IL1R1: variants seen among roughly 807,000 people sequenced by gnomAD.
IL1R1 encodes the protein interleukin-1 receptor type 1.
IL1R1 carries 22 observed loss-of-function variants against 50.2 expected under a neutral mutation model. The ratio of observed to expected loss-of-function variants is 0.44; its 90% CI spans 0.31 to 0.63. The LOEUF (loss-of-function observed/expected upper bound fraction) is 0.63, where lower values mean the gene tolerates loss of function less well. Among genes scored for constraint, IL1R1 ranks in the 20% least tolerant of loss-of-function variants. The probability of loss-of-function intolerance (pLI) is 0.07; values close to 1 mark genes in which losing one functional copy is unlikely to be tolerated. For synonymous variants in IL1R1, 251 were observed against 236.7 expected (o/e 1.06, Z -0.55); for missense variants, 509 against 676.2 (o/e 0.75, Z 2.74).
chr2:102,165,619 C>T (rs3917290), intron 5 of IL1R1, among the ~76,000 whole-genome samples: 47,311 of 151,942 alleles, frequency 0.31, 8,180 homozygotes, highest in East Asian at 0.43. Flanking sequence ...ACAAAACATA[C>T]TATGTGTGTT....
At chr2:102,097,398 C>G (rs548193825) in intron 1 of IL1R1, among the ~76,000 whole-genome samples, 11 of 152,148 alleles carry the variant, frequency 7.2e-5, no homozygotes, top group African/African-American at 9.7e-5. Flanking sequence ...GGACCTCTTT[C>G]TGTTTCCTCT....
At chr2:102,096,897 T>A (rs368100181) in intron 1 of IL1R1, among the ~76,000 whole-genome samples, 2,080 of 148,902 alleles carry the variant, frequency 0.014, 54 homozygotes, top group South Asian at 0.12. Flanking sequence ...TTTTTCTGCA[T>A]GGGATGAAAT....
At chr2:102,093,608 T>A (rs11694915) in intron 1 of IL1R1, among the ~76,000 whole-genome samples, 40,524 of 152,184 alleles carry the variant, frequency 0.27, 6,302 homozygotes, top group Non-Finnish European at 0.34. Flanking sequence ...TGAGCATTTT[T>A]TCGTGTGCTT....
chr2:102,130,070 T>G (rs1681946499), intron 1 of IL1R1, among the ~76,000 whole-genome samples: 1 of 152,356 alleles, frequency 6.6e-6, no homozygotes, highest in East Asian at 1.9e-4. Context: ...GGAAATCTCT[T>G]TAATGCATTG....
At chr2:102,077,481 A>T (rs1257289390) in intron 1 of IL1R1, among the ~76,000 whole-genome samples, 5 of 152,192 alleles carry the variant, frequency 3.3e-5, no homozygotes, top group Admixed American at 3.3e-4. Flanking sequence ...ATTTTACCTT[A>T]AAAAAATCTC....
intron 9 of IL1R1, 118 bp downstream of exon 9, chr2:102,172,956 G>T: frequency 1.5e-6 from 1 of 679,038 alleles, no homozygotes. Flanking sequence ...CATTACTTGG[G>T]TAACTTCTAT....
intron 1 of IL1R1, among the ~76,000 whole-genome samples, chr2:102,095,932 G>A (rs1055430482): frequency 1.3e-5 from 2 of 152,120 alleles, no homozygotes; most frequent in African/African-American, 2.4e-5. Context: ...GAACCCGGGA[G>A]GCGGAGCTTG....
At chr2:102,163,153 C>T (rs1684876176) in intron 3 of IL1R1, among the ~76,000 whole-genome samples, 1 of 152,114 alleles carries the variant, frequency 6.6e-6, no homozygotes, top group African/African-American at 2.4e-5. Flanking sequence ...TGTCATTTCT[C>T]CCGGGCTACA....
At chr2:102,129,267 C>CAAT (rs1175103576) in intron 1 of IL1R1, among the ~76,000 whole-genome samples, 5 of 151,002 alleles carry the variant, frequency 3.3e-5, no homozygotes, top group Admixed American at 6.6e-5. Context: ...ACAACAACAA[C>CAAT]AACAACAACA....
chr2:102,130,827 T>A (rs1681988649), intron 1 of IL1R1, among the ~76,000 whole-genome samples: 1 of 152,162 alleles, frequency 6.6e-6, no homozygotes. Context: ...AGGCCCTAGA[T>A]TTACTTTCTC....
At chr2:102,111,393 G>A (rs1023214508) in intron 1 of IL1R1, among the ~76,000 whole-genome samples, 1 of 152,204 alleles carries the variant, frequency 6.6e-6, no homozygotes, top group African/African-American at 2.4e-5. Context: ...CTTGTCCTCC[G>A]TGTGAGACAA....
rs74430191 is a variant in IL1R1 at position 102,105,083 on chromosome 2, G to A, written c.-84+211G>A. Among the ~76,000 whole-genome samples the A allele has an allele frequency of 1.6e-4, 24 of 152,298 alleles. 1 individual carries two copies. In the East Asian group the frequency reaches 4.4e-3, roughly 28 times the overall value. The stretch of plus-strand genomic sequence containing the variant: ...GTTTCACTTTAAGATGTGTTTCTGA[G>A]TCATATTAGGAGAACGACTGTGATT... On this transcript the variant is annotated intron_variant, in intron 1 of 10. Coordinates refer to the IL1R1 transcript ENST00000409329.
In IL1R1 at chr2:102,176,873, A is replaced by G; in HGVS notation, c.*114A>G. ...ATGGAATGTAACTATATCATCCTTT[A>G]TCCCTGAGGTCACCTGGAATCAGAT... On this transcript the variant is annotated 3_prime_UTR_variant, in exon 12 of 12. Transcript: ENST00000410023. 1 of 994,074 alleles carries G rather than the reference A, an allele frequency of 1.0e-6. No individual in the cohort carries two copies. Among genetic ancestry groups the G allele is most frequent in the Non-Finnish European group, 1.5e-6 (1 of 659,296 alleles). 61.6% of individuals were successfully genotyped at this position (994,074 alleles called of 1,614,324 possible).
chr2:102,168,489 G>A, intron 6 of IL1R1, 109 bp from the exon 7 acceptor site: 1 of 872,572 alleles, frequency 1.1e-6, no homozygotes, highest in East Asian at 2.5e-5. Flanking sequence ...TTGAACACTT[G>A]ATGGAATATC....
chr2:102,119,035 A>AC (rs1172420794), intron 1 of IL1R1, among the ~76,000 whole-genome samples: 2 of 151,686 alleles, frequency 1.3e-5, no homozygotes, highest in Non-Finnish European at 2.9e-5. Context: ...AAAAAAAAAA[A>AC]AAAAAGACAA....
chr2:102,098,171 T>C (rs1392589361), intron 1 of IL1R1, among the ~76,000 whole-genome samples: 5 of 152,052 alleles, frequency 3.3e-5, no homozygotes, highest in African/African-American at 1.2e-4. Flanking sequence ...CTGTTATTAA[T>C]AGATGCAAAA....
At chr2:102,169,924 G>A (rs1284625808) in intron 7 of IL1R1, among the ~76,000 whole-genome samples, 1 of 151,962 alleles carries the variant, frequency 6.6e-6, no homozygotes. Flanking sequence ...GATATACTGT[G>A]GCCCTTTGGA....
In IL1R1 at chr2:102,131,494, G is replaced by A. The variant is rs1250511273; in HGVS notation, c.-83-22447G>A. On this transcript the variant is annotated intron_variant, in intron 1 of 10. Coordinates refer to the IL1R1 transcript ENST00000409329. Reference sequence around the variant, plus strand: ...TATTCCATAAACACAGAGGTAAGTAGAGAAACAAAAGACGTGAAAATGCCT... The same window carrying A: ...TATTCCATAAACACAGAGGTAAGTAAAGAAACAAAAGACGTGAAAATGCCT... 2.0e-5 allele frequency among the ~76,000 whole-genome samples: 3 copies of A among 152,124 alleles called. 1 individual carries two copies. The South Asian group carries it at 6.2e-4, about 31-fold the overall frequency.
intron 1 of IL1R1, among the ~76,000 whole-genome samples, chr2:102,080,726 A>G (rs2104287471): frequency 6.6e-6 from 1 of 152,366 alleles, no homozygotes; most frequent in South Asian, 2.1e-4. Context: ...TCTATGTGAC[A>G]TAATTAACAA....
Sources: allele counts gnomAD v4.1 joint callset (sites outside exome capture counted in the v4.1 genomes callset), GRCh38; gene constraint gnomAD v4.1.1; transcripts MANE v1.5; gene names NCBI Gene and HGNC (gene_info 2026-07-23, HGNC 2026-07-21).